Variants in STS observed in about 807,000 individuals in gnomAD.
The protein encoded by STS is steryl-sulfatase.
Under a neutral mutation model 26.8 loss-of-function variants are expected in STS, and 7 were observed. The ratio of observed to expected loss-of-function variants is 0.26; its 90% CI spans 0.15 to 0.49. The LOEUF (loss-of-function observed/expected upper bound fraction) is 0.49. Among genes scored for constraint, STS ranks in the 20% least tolerant of loss-of-function variants. The pLI, the probability that STS is intolerant of heterozygous loss-of-function variation, is 0.98. For missense variants in STS, 434 were observed against 465.6 expected (o/e 0.93, Z 0.63); for synonymous variants, 199 against 189.4 (o/e 1.05, Z -0.42).
chrX:7,228,987 A>G (rs1921937721), intron 2 of STS, among the ~76,000 whole-genome samples: 3 of 111,890 alleles, frequency 2.7e-5, no homozygotes, highest in Admixed American at 9.5e-5. Flanking sequence ...TCATCTTGCC[A>G]CTGAAATTCC....
chrX:7,342,457 A>C (rs1391173215), intron 10 of STS, among the ~76,000 whole-genome samples: 1 of 112,186 alleles, frequency 8.9e-6, no homozygotes, highest in Non-Finnish European at 1.9e-5. Context: ...TAATATGCAA[A>C]ACCCAAGGCT....
chrX:7,216,487 C>T (rs1170421507), intron 2 of STS, among the ~76,000 whole-genome samples: 1 of 112,345 alleles, frequency 8.9e-6, no homozygotes, highest in African/African-American at 3.2e-5. Flanking sequence ...GCAAGCCTCT[C>T]AAAGGCTAGG....
chrX:7,163,106 G>A (rs939243667), intron 1 of STS, among the ~76,000 whole-genome samples: 1 of 108,153 alleles, frequency 9.2e-6, no homozygotes, highest in Non-Finnish European at 1.9e-5. Context: ...CTTAGAGCAG[G>A]GTTTTTCAAC....
At chrX:7,276,654 G>A (rs1467062613) in intron 7 of STS, among the ~76,000 whole-genome samples, 3 of 111,767 alleles carry the variant, frequency 2.7e-5, no homozygotes, top group Non-Finnish European at 5.6e-5. Context: ...CTTGTCATTA[G>A]CAGTTAAATG....
At chrX:7,289,140 A>G (rs776467865) in intron 7 of STS, among the ~76,000 whole-genome samples, 6 of 111,171 alleles carry the variant, frequency 5.4e-5, no homozygotes, top group East Asian at 2.9e-4. Context: ...AGAGCAACCT[A>G]TGGTTTCTGG....
At chrX:7,338,683 C>A (rs1428021087) in intron 10 of STS, among the ~76,000 whole-genome samples, 1 of 111,207 alleles carries the variant, frequency 9.0e-6, no homozygotes, top group Non-Finnish European at 1.9e-5. Context: ...TTCCCAACAA[C>A]AAAAAATAAA....
At chrX:7,155,269 A>G (rs1387730635) in intron 1 of STS, among the ~76,000 whole-genome samples, 2 of 112,165 alleles carry the variant, frequency 1.8e-5, no homozygotes, top group Non-Finnish European at 3.8e-5. Context: ...CACTTTAGAA[A>G]TACCAGACTA....
intron 6 of STS, among the ~76,000 whole-genome samples, chrX:7,260,736 G>A (rs1923700724): frequency 1.8e-5 from 2 of 111,981 alleles, no homozygotes; most frequent in Non-Finnish European, 1.9e-5. Flanking sequence ...TTCAAATGTG[G>A]CCATCAAGAG....
chrX:7,256,336 A>G (rs1923407418), intron 3 of STS, among the ~76,000 whole-genome samples: 1 of 112,501 alleles, frequency 8.9e-6, no homozygotes, highest in Non-Finnish European at 1.9e-5. Context: ...TTTATGAAGC[A>G]TAAAAAATAT....
chrX:7,251,936 G>A (rs1468177860), intron 2 of STS, among the ~76,000 whole-genome samples: 1 of 110,832 alleles, frequency 9.0e-6, no homozygotes, highest in Non-Finnish European at 1.9e-5. Flanking sequence ...ACTCTAACCT[G>A]GGCAACAGAG....
intron 9 of STS, among the ~76,000 whole-genome samples, chrX:7,328,933 T>G (rs1199509154): frequency 9.0e-6 from 1 of 111,427 alleles, no homozygotes; most frequent in Non-Finnish European, 1.9e-5. Context: ...TGACCTCAGG[T>G]GATCCACCCA....
chrX:7,268,735 G>C (rs1924126993), intron 6 of STS, among the ~76,000 whole-genome samples: 2 of 111,619 alleles, frequency 1.8e-5, no homozygotes, highest in South Asian at 7.6e-4. Context: ...GAGGGCAACG[G>C]GCACAGTGGC....
In STS at chrX:7,297,234, G is replaced by T. The variant is rs369685745; in HGVS notation, c.944-7812G>T. ...CTCTCAAAGTGTGGTTCTTGGGCAG[G>T]TACCATCAGCATTATGTAAGAGCTT... On this transcript the variant is annotated intron_variant, in intron 7 of 10. Coordinates refer to ENST00000674429, the MANE Select transcript of STS (RefSeq NM_001320752.2). Among the ~76,000 whole-genome samples, 22 of 108,498 alleles carry T rather than the reference G, an allele frequency of 2.0e-4. No individual in the cohort carries two copies. The South Asian group carries it at 8.6e-3, about 42-fold the overall frequency. 94.2% of individuals were successfully genotyped at this position (108,498 alleles called of 115,157 possible).
intron 6 of STS, among the ~76,000 whole-genome samples, chrX:7,262,496 C>T (rs987886344): frequency 2.0e-4 from 22 of 111,871 alleles, no homozygotes; most frequent in African/African-American, 6.2e-4. Flanking sequence ...AACGGCCTTG[C>T]TGAACATATA....
At chrX:7,181,005 T>G (rs1420647052) in intron 1 of STS, among the ~76,000 whole-genome samples, 6 of 112,048 alleles carry the variant, frequency 5.4e-5, no homozygotes, top group Admixed American at 9.5e-5. Flanking sequence ...AGGAAGGCAA[T>G]GTTTAATGCC....
intron 2 of STS, among the ~76,000 whole-genome samples, chrX:7,234,667 C>A (rs1308455173): frequency 9.0e-6 from 1 of 111,470 alleles, no homozygotes; most frequent in East Asian, 2.8e-4. Context: ...AAATCTGTGA[C>A]CTAACCCATG....
At chrX:7,269,170 G>A (rs1924152423) in intron 6 of STS, among the ~76,000 whole-genome samples, 1 of 98,658 alleles carries the variant, frequency 1.0e-5, no homozygotes, top group African/African-American at 3.8e-5. Flanking sequence ...AAAAGGAGGG[G>A]AGGGCTTCTC....
At chrX:7,338,930 G>C (rs996508365) in intron 10 of STS, among the ~76,000 whole-genome samples, 3 of 111,413 alleles carry the variant, frequency 2.7e-5, no homozygotes, top group Non-Finnish European at 5.7e-5. Flanking sequence ...ATAGGGTAAT[G>C]GAATTCATTC....
chrX:7,243,603 G>A (rs1922723238), intron 2 of STS, among the ~76,000 whole-genome samples: 1 of 111,948 alleles, frequency 8.9e-6, no homozygotes, highest in Admixed American at 9.5e-5. Flanking sequence ...AGGAATGAGA[G>A]GGTAGCTGTA....
Sources: allele counts gnomAD v4.1 joint callset (sites outside exome capture counted in the v4.1 genomes callset), GRCh38; gene constraint gnomAD v4.1.1; transcripts MANE v1.5; gene names NCBI Gene and HGNC (gene_info 2026-07-23, HGNC 2026-07-21).